NCKAP5: variants seen among roughly 807,000 people sequenced by gnomAD.
NCKAP5 encodes nck-associated protein 5.
In NCKAP5, 92 loss-of-function variants were observed where a neutral mutation model predicts 167.0. That is an observed-to-expected ratio of 0.55 (90% CI 0.47 to 0.66). The LOEUF (loss-of-function observed/expected upper bound fraction) is 0.66, where lower values mean the gene tolerates loss of function less well. Ranked by LOEUF, NCKAP5 falls within the 30% of genes least tolerant of loss-of-function variation. The pLI, the probability that NCKAP5 is intolerant of heterozygous loss-of-function variation, is 0.00. For missense variants in NCKAP5, 2,378 were observed against 2,315.0 expected, an observed-to-expected ratio of 1.03 and a Z score of -0.56; for synonymous variants, 891 against 877.4, an observed-to-expected ratio of 1.02 and a Z score of -0.27.
intron 4 of NCKAP5, chr2:133,266,212 G>A (rs1261805753): frequency 6.6e-6 from 1 of 152,290 alleles, no homozygotes; most frequent in Admixed American, 6.5e-5. Context: ...CCCCCTTCAG[G>A]TGTCCTGGTG....
chr2:133,434,381 C>T (rs922176151), intron 3 of NCKAP5, among the ~76,000 whole-genome samples: 1 of 152,178 alleles, frequency 6.6e-6, no homozygotes, highest in African/African-American at 2.4e-5. Context: ...TCATGTCTCC[C>T]TGGAGATCGT....
At chr2:133,154,770 C>T (rs2149904086) in intron 5 of NCKAP5, among the ~76,000 whole-genome samples, 1 of 152,260 alleles carries the variant, frequency 6.6e-6, no homozygotes, top group South Asian at 2.1e-4. Flanking sequence ...CTTTATATGC[C>T]AGACATGCAT....
chr2:133,405,934 C>CA (rs1050134837), intron 3 of NCKAP5, among the ~76,000 whole-genome samples: 2 of 152,156 alleles, frequency 1.3e-5, no homozygotes, highest in African/African-American at 4.8e-5. Flanking sequence ...CATTTCTTGA[C>CA]AAAATAGAAA....
chr2:133,549,586 A>C (rs1449570531), intron 2 of NCKAP5, among the ~76,000 whole-genome samples: 1 of 150,376 alleles, frequency 6.6e-6, no homozygotes, highest in African/African-American at 2.5e-5. Context: ...TCCGGGACGC[A>C]TTCAAAGCAG....
intron 19 of NCKAP5, among the ~76,000 whole-genome samples, chr2:132,694,914 A>G (rs965487397): frequency 6.6e-6 from 1 of 152,176 alleles, no homozygotes; most frequent in Admixed American, 6.5e-5. Context: ...TATAAACAAG[A>G]GAAATTTATT....
At position 132,878,846 on chromosome 2, in the gene NCKAP5, A is replaced by T; in HGVS notation, c.648+2T>A. 1 of 1,611,880 alleles carries T rather than the reference A, an allele frequency of 6.2e-7. No individual in the cohort carries two copies. The highest frequency in any genetic ancestry group is 8.5e-7 in the Non-Finnish European group (1 of 1,178,040). On this transcript the variant is annotated splice_donor_variant, in intron 9 of 19. Transcript: ENST00000409261. LOFTEE classifies it high-confidence loss of function. ...GATCAGGAGCCTCTCCATCCCCCTT[A>T]CCTCATCAAGACATCGCTCATATTG...
intron 3 of NCKAP5, among the ~76,000 whole-genome samples, chr2:133,378,804 C>T (rs2150940453): frequency 6.6e-6 from 1 of 152,292 alleles, no homozygotes; most frequent in South Asian, 2.1e-4. Context: ...AATGTAAAAC[C>T]TAACAGTCTT....
intron 4 of NCKAP5, among the ~76,000 whole-genome samples, chr2:133,226,131 C>T (rs1029264031): frequency 1.2e-4 from 18 of 151,902 alleles, no homozygotes; most frequent in African/African-American, 9.7e-5. Flanking sequence ...CTTAGAGACA[C>T]GGACTTGCTC....
rs577733615 is a variant in NCKAP5, at chr2:132,853,334, C to T, written c.807+7158G>A. Among the ~76,000 whole-genome samples the T allele has an allele frequency of 9.2e-5, 14 of 152,282 alleles. No individual in the cohort carries two copies. In the East Asian group the frequency reaches 2.3e-3, roughly 25 times the overall value. ...ACATCTAGCTAGCATTTCCATGGGG[C>T]CTAACTGGCTGGGGCTGGCTGCAGG... On this transcript the variant is annotated intron_variant, in intron 11 of 19. Coordinates refer to ENST00000409261, the MANE Select transcript of NCKAP5 (RefSeq NM_207363.3).
intron 2 of NCKAP5, chr2:133,558,259 T>G (rs1406083937): frequency 6.6e-6 from 1 of 152,150 alleles, no homozygotes; most frequent in African/African-American, 2.4e-5. Context: ...TTCTCTGGTC[T>G]CTGGTTCATT....
intron 19 of NCKAP5, among the ~76,000 whole-genome samples, chr2:132,686,613 T>A (rs1280529019): frequency 7.2e-5 from 11 of 152,190 alleles, no homozygotes; most frequent in Non-Finnish European, 1.6e-4. Flanking sequence ...GGATGCTAAT[T>A]ATGTTTATTT....
chr2:133,159,274 G>A (rs1048256355), intron 5 of NCKAP5, among the ~76,000 whole-genome samples: 2 of 152,092 alleles, frequency 1.3e-5, no homozygotes, highest in African/African-American at 4.8e-5. Flanking sequence ...TGAGGTCCTC[G>A]GTTCTGCAAC....
intron 11 of NCKAP5, among the ~76,000 whole-genome samples, chr2:132,854,732 G>A (rs1200178662): frequency 5.3e-5 from 8 of 152,270 alleles, no homozygotes; most frequent in Non-Finnish European, 8.8e-5. Flanking sequence ...ACAGGCCCTT[G>A]AGCAAATGCA....
chr2:133,170,354 C>G (rs1034744603), intron 5 of NCKAP5, among the ~76,000 whole-genome samples: 3 of 152,076 alleles, frequency 2.0e-5, no homozygotes, highest in African/African-American at 7.2e-5. Flanking sequence ...GTGTTAATAA[C>G]CACAGCTACT....
intron 3 of NCKAP5, among the ~76,000 whole-genome samples, chr2:133,325,206 A>G (rs927529693): frequency 2.6e-5 from 4 of 152,196 alleles, no homozygotes; most frequent in Non-Finnish European, 5.9e-5. Context: ...ATGTTAAGCC[A>G]CTTTCCCAAC....
intron 11 of NCKAP5, among the ~76,000 whole-genome samples, chr2:132,802,371 C>A (rs539070315): frequency 6.6e-6 from 1 of 152,164 alleles, no homozygotes; most frequent in Admixed American, 6.5e-5. Flanking sequence ...GTTTTGTTTT[C>A]AAATCATCTC....
At chr2:132,885,499 G>A (rs116134028) in intron 8 of NCKAP5, among the ~76,000 whole-genome samples, 286 of 152,276 alleles carry the variant, frequency 1.9e-3, no homozygotes, top group African/African-American at 6.3e-3. Flanking sequence ...GACTTAGCCC[G>A]GGATTTCCTG....
the NCKAP5 span, among the ~76,000 whole-genome samples, chr2:133,574,031 C>T: frequency 6.6e-6 from 1 of 152,124 alleles, no homozygotes; most frequent in East Asian, 1.9e-4. Context: ...TTTGTGTGCC[C>T]CGATTGTCTA....
chr2:133,462,904 G>A (rs1692290901), intron 3 of NCKAP5, among the ~76,000 whole-genome samples: 1 of 152,180 alleles, frequency 6.6e-6, no homozygotes, highest in Non-Finnish European at 1.5e-5. Flanking sequence ...TACTCCTGCT[G>A]AGCCAGCCCT....
Sources: gnomAD v4.1 joint callset for allele counts (sites outside exome capture counted in the v4.1 genomes callset) on GRCh38, gnomAD v4.1.1 for gene constraint, MANE v1.5 for transcripts, NCBI Gene and HGNC (gene_info 2026-07-23, HGNC 2026-07-21) for gene names.